The following HDAC9 variants were observed in gnomAD, a reference collection of about 807,000 sequenced individuals.
HDAC9 encodes the protein MEF-2 interacting transcription repressor (MITR) protein.
In HDAC9, 41 loss-of-function variants were observed where a neutral mutation model predicts 139.4. The observed-to-expected ratio is 0.29, with a 90% confidence interval of 0.23 to 0.38. The LOEUF is 0.38. Among genes scored for constraint, HDAC9 ranks in the 10% least tolerant of loss-of-function variants. The probability of loss-of-function intolerance (pLI) is 1.00; values close to 1 mark genes in which losing one functional copy is unlikely to be tolerated. For missense variants in HDAC9, 1,147 were observed against 1,297.0 expected, an observed-to-expected ratio of 0.88 and a Z score of 1.78; for synonymous variants, 517 against 476.2, an observed-to-expected ratio of 1.09 and a Z score of -1.12.
intron 1 of HDAC9, among the ~76,000 whole-genome samples, chr7:18,437,980 C>T (rs1458038567): frequency 1.3e-5 from 2 of 151,250 alleles, no homozygotes; most frequent in Admixed American, 1.3e-4. Flanking sequence ...CACACACATA[C>T]GTAGCATATC....
chr7:18,379,096 T>C, intron 1 of HDAC9, among the ~76,000 whole-genome samples: 1 of 152,218 alleles, frequency 6.6e-6, no homozygotes, highest in Middle Eastern at 3.2e-3. Context: ...TTATAACTCA[T>C]AAATAACTTC....
intron 6 of HDAC9, among the ~76,000 whole-genome samples, chr7:18,609,683 A>G (rs1483793505): frequency 6.6e-6 from 1 of 152,194 alleles, no homozygotes; most frequent in African/African-American, 2.4e-5. Flanking sequence ...CACAACGTGC[A>G]GGTTTGTTAC....
intron 12 of HDAC9, among the ~76,000 whole-genome samples, chr7:18,705,041 T>A (rs576000643): frequency 1.3e-5 from 2 of 152,346 alleles, no homozygotes; most frequent in African/African-American, 4.8e-5. Flanking sequence ...AAAATTATTT[T>A]CAATAATATA....
chr7:18,434,369 G>A (rs748617057), intron 1 of HDAC9, among the ~76,000 whole-genome samples: 40 of 152,164 alleles, frequency 2.6e-4, no homozygotes, highest in Admixed American at 2.6e-4. Context: ...CAGAGATGTC[G>A]AAAGCAATTG....
chr7:18,482,167 T>C (rs1795605872), intron 1 of HDAC9, among the ~76,000 whole-genome samples: 1 of 151,798 alleles, frequency 6.6e-6, no homozygotes, highest in Non-Finnish European at 1.5e-5. Flanking sequence ...ATATTCTGCT[T>C]GTTCTGGCAA....
At chr7:18,517,395 G>T (rs1257726486) in intron 2 of HDAC9, among the ~76,000 whole-genome samples, 1 of 152,124 alleles carries the variant, frequency 6.6e-6, no homozygotes, top group African/African-American at 2.4e-5. Flanking sequence ...CCTTACACCT[G>T]GTAAGAACTG....
Position 18,360,656 on chromosome 7 carries a change from A to G in HDAC9, c.-42+70141A>G, listed in dbSNP as rs528205279. ...TTTCCATATTCTTTCCTCAAAGAGT[A>G]ATATATTCCTTTCATTTAGTTACTA... On this transcript the variant is annotated intron_variant, in intron 1 of 3. Coordinates refer to the HDAC9 transcript ENST00000413509. Among the ~76,000 whole-genome samples, 26 of 152,276 alleles carry G rather than the reference A, an allele frequency of 1.7e-4. No homozygotes were observed. In the South Asian group the frequency reaches 5.4e-3, roughly 32 times the overall value.
intron 2 of HDAC9, among the ~76,000 whole-genome samples, chr7:18,168,525 A>G (rs371113191): frequency 2.0e-5 from 3 of 152,184 alleles, no homozygotes; most frequent in East Asian, 3.9e-4. Flanking sequence ...TTGTCTGTAT[A>G]GATTGGAGTT....
At chr7:18,341,656 T>C (rs1782021660) in intron 1 of HDAC9, among the ~76,000 whole-genome samples, 1 of 151,744 alleles carries the variant, frequency 6.6e-6, no homozygotes, top group Non-Finnish European at 1.5e-5. Flanking sequence ...GACACAACTG[T>C]TTCAATGTGT....
At position 18,770,974 on chromosome 7, in the gene HDAC9, C is replaced by G. The variant is rs143071587; in HGVS notation, c.2214+3819C>G. On this transcript the variant is annotated intron_variant, in intron 16 of 25. Coordinates refer to ENST00000686413, the MANE Select transcript of HDAC9 (RefSeq NM_178425.4). ...GCCCTGCAGACAGCAGAGAATTCCA[C>G]TTTTATCCTACAGCAGACAAGCTCC... is the stretch of plus-strand genomic sequence containing the variant. 5.3e-4 allele frequency among the ~76,000 whole-genome samples: 81 copies of G among 152,214 alleles called. 1 individual carries two copies. In the East Asian group the frequency reaches 0.014, roughly 26 times the overall value.
intron 2 of HDAC9, among the ~76,000 whole-genome samples, chr7:18,261,378 C>G (rs1795669061): frequency 6.6e-6 from 1 of 152,132 alleles, no homozygotes; most frequent in South Asian, 2.1e-4. Context: ...ATTGGAAACT[C>G]TATGCTTCTG....
At chr7:18,219,832 G>A (rs559033924) in intron 2 of HDAC9, among the ~76,000 whole-genome samples, 37 of 152,328 alleles carry the variant, frequency 2.4e-4, no homozygotes, top group Admixed American at 2.0e-3. Flanking sequence ...GTTTAACAGT[G>A]AGAGTGGATA....
chr7:18,284,340 A>T (rs1056798889), intron 2 of HDAC9, among the ~76,000 whole-genome samples: 1 of 152,184 alleles, frequency 6.6e-6, no homozygotes, highest in Non-Finnish European at 1.5e-5. Context: ...TGAAACATGA[A>T]ACTCTGGGAC....
intron 1 of HDAC9, among the ~76,000 whole-genome samples, chr7:18,462,523 C>G (rs548884243): frequency 6.6e-6 from 1 of 152,102 alleles, no homozygotes; most frequent in South Asian, 2.1e-4. Context: ...GCCCCCAACC[C>G]CAACCCCAAT....
At chr7:18,221,716 A>AT (rs537970714) in intron 2 of HDAC9, among the ~76,000 whole-genome samples, 22 of 150,262 alleles carry the variant, frequency 1.5e-4, no homozygotes, top group African/African-American at 2.9e-4. Context: ...AGCAATGTTA[A>AT]TTTTTTTTTT....
At chr7:18,293,836 C>G (rs2128226181) in intron 1 of HDAC9, among the ~76,000 whole-genome samples, 1 of 152,132 alleles carries the variant, frequency 6.6e-6, no homozygotes, top group East Asian at 1.9e-4. Context: ...CTATCCTGAT[C>G]TTTAACATTT....
chr7:18,565,234 G>C (rs988775143), intron 2 of HDAC9, among the ~76,000 whole-genome samples: 20 of 152,116 alleles, frequency 1.3e-4, no homozygotes, highest in Admixed American at 1.2e-3. Context: ...AACCTCAGGT[G>C]GTCCGCCCGC....
intron 2 of HDAC9, among the ~76,000 whole-genome samples, chr7:18,530,228 T>A (rs573074276): frequency 9.9e-5 from 15 of 152,276 alleles, no homozygotes; most frequent in African/African-American, 3.6e-4. Flanking sequence ...ATGCCACTCC[T>A]GTTCTGCCTG....
chr7:18,207,666 A>G (rs1462565513), intron 2 of HDAC9, among the ~76,000 whole-genome samples: 3 of 149,598 alleles, frequency 2.0e-5, no homozygotes, highest in Non-Finnish European at 4.5e-5. Flanking sequence ...ACACACACAC[A>G]CTTACATACT....
Sources: allele counts gnomAD v4.1 joint callset (sites outside exome capture counted in the v4.1 genomes callset), GRCh38; gene constraint gnomAD v4.1.1; transcripts MANE v1.5; gene names NCBI Gene and HGNC (gene_info 2026-07-23, HGNC 2026-07-21).